Variants in CAND2 observed in about 807,000 individuals in gnomAD.
CAND2 encodes cullin-associated NEDD8-dissociated protein 2.
Under a neutral mutation model 98.9 loss-of-function variants are expected in CAND2, and 62 were observed. The observed-to-expected ratio is 0.63, with a 90% CI of 0.51 to 0.77. The LOEUF is 0.77. CAND2 is among the 30% of genes least tolerant of loss of function. The pLI, the probability that CAND2 is intolerant of heterozygous loss-of-function variation, is 0.00. For synonymous variants in CAND2, 770 were observed against 731.9 expected (o/e 1.05, Z -0.84); for missense variants, 1,501 against 1,655.2 (o/e 0.91, Z 1.62).
chr3:12,826,830 CTTTTTTT>C (rs1407883495), intron 12 of CAND2, among the ~76,000 whole-genome samples: 1 of 131,788 alleles, frequency 7.6e-6, no homozygotes, highest in African/African-American at 2.9e-5. Context: ...GTAACATTTA[CTTTTTTT>C]TTTTTTTTTT....
At chr3:12,812,200 T>C (rs112472738) in intron 5 of CAND2, among the ~76,000 whole-genome samples, 3,257 of 145,828 alleles carry the variant, frequency 0.022, 121 homozygotes, top group African/African-American at 0.077. Flanking sequence ...TGAGCCACCA[T>C]GCCCGGCCTA....
chr3:12,797,808 G>T (rs1441334428), intron 1 of CAND2, among the ~76,000 whole-genome samples: 2 of 152,122 alleles, frequency 1.3e-5, no homozygotes, highest in African/African-American at 2.4e-5. Flanking sequence ...CCAAATCCAG[G>T]CCAGTCTAAT....
In CAND2 at chr3:12,817,603, G is replaced by A. The variant is rs776775841; in HGVS notation, c.2671G>A (p.Gly891Ser). Residue 891 changes from glycine to serine, a missense_variant, in exon 10 of 15, where the codon GGC becomes AGC. Transcript: ENST00000456430. The part of the protein sequence containing the change: ...ASYALGRVGA[G>S]SLPDFLPFLL... ...GTATGCACTGGGCCGTGTGGGTGCT[G>A]GCAGCCTGCCCGACTTCCTGCCCTT... is the stretch of plus-strand genomic sequence containing the variant. The A allele has an allele frequency of 8.7e-6, 14 of 1,613,804 alleles. No homozygotes were observed. The highest frequency in any genetic ancestry group is 3.3e-4 in the Middle Eastern group (2 of 6,062).
Position 12,796,802 on chromosome 3 carries a change from C to T in CAND2, c.68+14C>T. 6.4e-7 allele frequency: 1 copy of T among 1,568,066 alleles called. No homozygotes were observed. The highest frequency in any genetic ancestry group is 1.2e-5 in the South Asian group (1 of 85,686). ...CAAGGACTTCAGGTGCAGCCCGCCG[C>T]CGGCCCCCTTCTCTCCTTCCCGCTC... is the stretch of plus-strand genomic sequence containing the variant. On this transcript the variant is annotated intron_variant, in intron 1 of 14. Transcript: ENST00000456430.
chr3:12,826,677 G>A (rs927450327), intron 12 of CAND2, among the ~76,000 whole-genome samples: 5 of 152,076 alleles, frequency 3.3e-5, no homozygotes, highest in Non-Finnish European at 7.4e-5. Context: ...CTCTCAAAGT[G>A]CTGGGAGGAC....
chr3:12,796,936 C>G, intron 1 of CAND2, 148 bp downstream of exon 1: 3 of 710,798 alleles, frequency 4.2e-6, no homozygotes, highest in Non-Finnish European at 7.4e-6. Context: ...CCCCTCCCCA[C>G]AGGCCCACTC....
At position 12,816,439 on chromosome 3, in the gene CAND2, T is replaced by C. The variant is rs2061902539; in HGVS notation, c.1507T>C (p.Leu503=). The change falls in exon 10 of 15, where the codon TTG becomes CTG. Residue 503 remains leucine, a synonymous_variant. Coordinates refer to ENST00000456430, the MANE Select transcript of CAND2 (RefSeq NM_001162499.2). ...CATCCGGATGGATGCCCTGGCCTTCTTGCAGGGGCTGCTGGGCACCGAACC... is the reference window on the plus strand; with the variant it reads ...CATCCGGATGGATGCCCTGGCCTTCCTGCAGGGGCTGCTGGGCACCGAACC... ...STIRMDALAF[L]QGLLGTEPAE... The C allele has an allele frequency of 6.2e-7, 1 of 1,613,906 alleles. No individual in the cohort carries two copies. Among genetic ancestry groups the C allele is most frequent in the Non-Finnish European group, 8.5e-7 (1 of 1,179,974 alleles).
intron 13 of CAND2, among the ~76,000 whole-genome samples, chr3:12,831,254 A>C (rs1369210432): frequency 6.6e-6 from 1 of 151,812 alleles, no homozygotes. Context: ...TGCTTTTCTG[A>C]TCCTCCTTGG....
intron 11 of CAND2, among the ~76,000 whole-genome samples, chr3:12,825,006 C>CT (rs1469153771): frequency 6.6e-6 from 1 of 152,180 alleles, no homozygotes; most frequent in Non-Finnish European, 1.5e-5. Context: ...CCTCTCTGAT[C>CT]TTTAAGAGCC....
In CAND2 at chr3:12,825,570, G is replaced by T; in HGVS notation, c.3141G>T (p.Arg1047=). The change falls in exon 12 of 15, where the codon CGG becomes CGT. Residue 1047 remains arginine, a synonymous_variant. Coordinates refer to ENST00000456430, the MANE Select transcript of CAND2 (RefSeq NM_001162499.2). The part of the protein sequence containing the change: ...SAVHNKPSLV[R]DLLDDILPLL... ...TGCACAACAAGCCCTCGCTAGTCCG[G>T]GACCTGCTGGATGACATCCTGCCCC... is the stretch of plus-strand genomic sequence containing the variant. 1 of 1,611,212 alleles carries T rather than the reference G, an allele frequency of 6.2e-7. No individual in the cohort carries two copies. The highest frequency in any genetic ancestry group is 8.5e-7 in the Non-Finnish European group (1 of 1,178,932).
At chr3:12,821,004 C>G (rs935851169) in intron 11 of CAND2, among the ~76,000 whole-genome samples, 4 of 152,158 alleles carry the variant, frequency 2.6e-5, no homozygotes, top group African/African-American at 9.7e-5. Flanking sequence ...GAGGCCAAGG[C>G]AGGTGGATCA....
chr3:12,832,282 A>G (rs2062059866), intron 14 of CAND2: 1 of 152,218 alleles, frequency 6.6e-6, no homozygotes, highest in Non-Finnish European at 1.5e-5. Flanking sequence ...GTAAGTTTAC[A>G]TTTTTAACAT....
chr3:12,825,062 C>T (rs1348876079), intron 11 of CAND2, among the ~76,000 whole-genome samples: 1 of 152,112 alleles, frequency 6.6e-6, no homozygotes, highest in Non-Finnish European at 1.5e-5. Flanking sequence ...GTGCTGTGTG[C>T]CAGGCACTCT....
Position 12,834,059 on chromosome 3 carries a change from C to G in CAND2, c.*77C>G. The stretch of plus-strand genomic sequence containing the variant: ...GTCCGAGGCCTCCCCATCCCACCAT[C>G]GCAGGTCTCTACTTTTGCCCTTCCA... On this transcript the variant is annotated 3_prime_UTR_variant, in exon 15 of 15. Coordinates refer to ENST00000456430, the MANE Select transcript of CAND2 (RefSeq NM_001162499.2). 8.3e-7 allele frequency: 1 copy of G among 1,201,228 alleles called. No individual in the cohort carries two copies. Among genetic ancestry groups the G allele is most frequent in the Non-Finnish European group, 1.2e-6 (1 of 819,812 alleles). The allele number at this position is 1,201,228 out of a possible 1,614,324, so 74.4% of individuals were successfully genotyped here. A position where few individuals can be genotyped will look rare whatever the true frequency, so the allele number is the denominator to read the frequency against.
Position 12,834,137 on chromosome 3 carries a change from C to A in CAND2, c.*155C>A. On this transcript the variant is annotated 3_prime_UTR_variant, in exon 15 of 15. Transcript: ENST00000456430. ...TGGTCAGGGCTTACAGTGCCTTCTC[C>A]AGGGACCCAACTCAAAGGCCCCCAG... The A allele has an allele frequency of 1.6e-6, 1 of 641,624 alleles. No individual in the cohort carries two copies. Among genetic ancestry groups the A allele is most frequent in the Non-Finnish European group, 2.7e-6 (1 of 372,662 alleles). The allele number at this position is 641,624 out of a possible 1,614,324, so 39.7% of individuals were successfully genotyped here.
intron 12 of CAND2, among the ~76,000 whole-genome samples, chr3:12,826,642 C>T (rs1009004367): frequency 3.3e-5 from 5 of 151,888 alleles, no homozygotes; most frequent in South Asian, 2.1e-4. Flanking sequence ...GTTGCCCAGA[C>T]GTCTCAAATT....
intron 11 of CAND2, among the ~76,000 whole-genome samples, chr3:12,821,282 C>T (rs935814014): frequency 6.6e-6 from 1 of 151,928 alleles, no homozygotes; most frequent in Non-Finnish European, 1.5e-5. Flanking sequence ...CACCTGTAAT[C>T]TCAGCTGTTT....
Position 12,796,757 on chromosome 3 carries a change from G to T in CAND2, c.37G>T (p.Glu13Ter). ...CGCCTTCCACATCTCCAGCCTCCTG[G>T]AGAAGATGACGTCCAGCGACAAGGA... ...TAAFHISSLL[E>*]KMTSSDKDFR... The change falls in exon 1 of 15, where the codon GAG becomes TAG. Residue 13 changes from glutamate (E) to a stop codon, truncating the protein, a stop_gained. Coordinates refer to ENST00000456430, the MANE Select transcript of CAND2 (RefSeq NM_001162499.2). LOFTEE classifies it high-confidence loss of function. The T allele has an allele frequency of 6.3e-7, 1 of 1,590,482 alleles. No homozygotes were observed. The highest frequency in any genetic ancestry group is 2.3e-5 in the East Asian group (1 of 43,788).
intron 5 of CAND2, 144 bp downstream of exon 5, chr3:12,810,468 C>G: frequency 2.3e-5 from 3 of 131,612 alleles, no homozygotes; most frequent in Non-Finnish European, 4.1e-5. Context: ...GAGGATGGGG[C>G]GGGGCCTGGG....
Sources: gnomAD v4.1 joint callset for allele counts (sites outside exome capture counted in the v4.1 genomes callset) on GRCh38, gnomAD v4.1.1 for gene constraint, MANE v1.5 for transcripts, NCBI Gene and HGNC (gene_info 2026-07-23, HGNC 2026-07-21) for gene names.